IGSF11: variants seen among roughly 807,000 people sequenced by gnomAD.
IGSF11 encodes immunoglobulin superfamily member 11.
A neutral mutation model predicts 41.0 loss-of-function variants in IGSF11; 22 were observed. The ratio of observed to expected loss-of-function variants is 0.54; its 90% CI spans 0.38 to 0.77. IGSF11 has a LOEUF of 0.77. Among genes scored for constraint, IGSF11 ranks in the 30% least tolerant of loss-of-function variants. The probability of loss-of-function intolerance (pLI) is 0.00; values close to 1 mark genes in which losing one functional copy is unlikely to be tolerated. For missense variants in IGSF11, 444 were observed against 530.8 expected (o/e 0.84, Z 1.61); for synonymous variants, 219 against 201.3 (o/e 1.09, Z -0.74).
chr3:118,931,733 A>G (rs1576403969), intron 1 of IGSF11, among the ~76,000 whole-genome samples: 1 of 121,890 alleles, frequency 8.2e-6, no homozygotes, highest in African/African-American at 3.0e-5. Context: ...CTTAAAAGTC[A>G]CTGATTTTTT....
At position 118,935,403 on chromosome 3, in the gene IGSF11, CACACAT is replaced by C. The variant is rs1222695388; in HGVS notation, c.53-5134_53-5129del. 7.2e-5 allele frequency among the ~76,000 whole-genome samples: 10 copies of C among 139,046 alleles called. No homozygotes were observed. In the East Asian group the frequency reaches 8.7e-4, roughly 12 times the overall value. The allele number at this position is 139,046 out of a possible 152,430, so 91.2% of individuals were successfully genotyped here. On this transcript the variant is annotated intron_variant, in intron 1 of 6. Transcript: ENST00000393775. The stretch of plus-strand genomic sequence containing the variant: ...ACACACACACACACACACATACACA[CACACAT>C]ATACATACGTATATACATATACGTA...
chr3:118,973,569 G>C (rs1331696458), intron 1 of IGSF11, among the ~76,000 whole-genome samples: 1 of 152,088 alleles, frequency 6.6e-6, no homozygotes, highest in African/African-American at 2.4e-5. Flanking sequence ...TCTCCTAAAG[G>C]CCTATGCTTC....
At chr3:118,910,754 T>C (rs1054930204) in intron 4 of IGSF11, among the ~76,000 whole-genome samples, 10 of 152,142 alleles carry the variant, frequency 6.6e-5, no homozygotes, top group African/African-American at 2.4e-4. Flanking sequence ...ATCTTCTCAC[T>C]AAAAATGTCA....
chr3:118,953,922 T>C lies in IGSF11; in HGVS notation c.53-23647A>G, dbSNP rs565503214. On this transcript the variant is annotated intron_variant, in intron 1 of 6. Coordinates refer to ENST00000393775, the MANE Select transcript of IGSF11 (RefSeq NM_001015887.3). ...TTAGTTTAATTAAGTCCCATCTATT[T>C]ATCATTGTTTTTGTTGCAGTTGCTT... 2.6e-4 allele frequency among the ~76,000 whole-genome samples: 39 copies of C among 152,238 alleles called. No individual in the cohort carries two copies. The South Asian group carries it at 7.2e-3, about 28-fold the overall frequency.
At chr3:119,035,993 T>C (rs1415646239), upstream of IGSF11, among the ~76,000 whole-genome samples, 1 of 152,194 alleles carries the variant, frequency 6.6e-6, no homozygotes, top group Non-Finnish European at 1.5e-5. Flanking sequence ...TTTTTAAACA[T>C]ACATTTGGAC....
At chr3:118,955,890 T>C (rs999404043) in intron 1 of IGSF11, among the ~76,000 whole-genome samples, 2 of 152,204 alleles carry the variant, frequency 1.3e-5, no homozygotes, top group East Asian at 3.9e-4. Flanking sequence ...TCTCTAGCTA[T>C]GAAAGTCCTA....
chr3:119,127,368 T>G (rs573489076), intron 1 of IGSF11, among the ~76,000 whole-genome samples: 1 of 150,962 alleles, frequency 6.6e-6, no homozygotes, highest in South Asian at 2.1e-4. Context: ...CCAAGAAATA[T>G]GGTACTTCAT....
At chr3:118,976,906 A>G (rs1273460471) in intron 1 of IGSF11, among the ~76,000 whole-genome samples, 1 of 152,248 alleles carries the variant, frequency 6.6e-6, no homozygotes, top group African/African-American at 2.4e-5. Context: ...AAAAATAGTC[A>G]TAAATTCTCT....
At chr3:119,122,948 C>T (rs1340725809) in intron 1 of IGSF11, among the ~76,000 whole-genome samples, 1 of 152,158 alleles carries the variant, frequency 6.6e-6, no homozygotes, top group Non-Finnish European at 1.5e-5. Flanking sequence ...GAGGCTCCAT[C>T]TCCTTGAGAA....
In IGSF11 at chr3:118,902,468, T is replaced by C; in HGVS notation, c.*52A>G. The C allele has an allele frequency of 4.4e-6, 2 of 459,262 alleles. No homozygotes were observed. The highest frequency in any genetic ancestry group is 8.8e-6 in the Non-Finnish European group (2 of 226,312). 28.4% of individuals were successfully genotyped at this position (459,262 alleles called of 1,614,324 possible). A position where few individuals can be genotyped will look rare whatever the true frequency, so the allele number is the denominator to read the frequency against. On this transcript the variant is annotated 3_prime_UTR_variant, in exon 7 of 7. Transcript: ENST00000393775. Reference sequence around the variant, plus strand: ...GCACTCCCCACCCCACCCTCCCCCTTGTATGAGGGCATTCCATTTATTCAT... The same window carrying C: ...GCACTCCCCACCCCACCCTCCCCCTCGTATGAGGGCATTCCATTTATTCAT...
intron 1 of IGSF11, among the ~76,000 whole-genome samples, chr3:119,085,169 A>G (rs750251076): frequency 2.0e-4 from 31 of 152,152 alleles, no homozygotes; most frequent in Non-Finnish European, 3.7e-4. Flanking sequence ...TCCCCCTCAT[A>G]CCATAGAACA....
chr3:119,051,875 G>C (rs1941641382), intron 1 of IGSF11, among the ~76,000 whole-genome samples: 1 of 152,116 alleles, frequency 6.6e-6, no homozygotes, highest in South Asian at 2.1e-4. Flanking sequence ...GGTTCCAAAT[G>C]ATCTTTGGAT....
At chr3:118,954,218 T>C (rs543643788) in intron 1 of IGSF11, among the ~76,000 whole-genome samples, 10 of 152,276 alleles carry the variant, frequency 6.6e-5, no homozygotes, top group African/African-American at 2.4e-4. Context: ...TGGTTGTAAG[T>C]ATTTGGCTTT....
At chr3:119,069,386 T>C (rs1942333618) in intron 1 of IGSF11, among the ~76,000 whole-genome samples, 1 of 152,112 alleles carries the variant, frequency 6.6e-6, no homozygotes, top group Non-Finnish European at 1.5e-5. Context: ...AAACAATGAG[T>C]AGAAAAATCC....
chr3:118,915,757 G>A (rs201153637), intron 4 of IGSF11, among the ~76,000 whole-genome samples: 14,867 of 28,616 alleles, frequency 0.52, 3,913 homozygotes, highest in Non-Finnish European at 0.53. Flanking sequence ...TACAGAGAAC[G>A]CCACAAAGAT....
intron 1 of IGSF11, among the ~76,000 whole-genome samples, chr3:119,008,408 C>A (rs1439238022): frequency 6.6e-6 from 1 of 152,160 alleles, no homozygotes; most frequent in Non-Finnish European, 1.5e-5. Flanking sequence ...TTTCTCTACT[C>A]CTCTATCTGC....
At chr3:119,122,943 T>G (rs1401319327) in intron 1 of IGSF11, among the ~76,000 whole-genome samples, 2 of 152,148 alleles carry the variant, frequency 1.3e-5, no homozygotes, top group Non-Finnish European at 2.9e-5. Context: ...GGTGAGAGGC[T>G]CCATCTCCTT....
chr3:118,975,460 T>C (rs1212876986), intron 1 of IGSF11, among the ~76,000 whole-genome samples: 1 of 152,030 alleles, frequency 6.6e-6, no homozygotes, highest in Non-Finnish European at 1.5e-5. Context: ...CTCAAAGATA[T>C]GCTCTATCAA....
At chr3:119,122,944 C>G (rs2077353212) in intron 1 of IGSF11, among the ~76,000 whole-genome samples, 1 of 152,140 alleles carries the variant, frequency 6.6e-6, no homozygotes, top group Non-Finnish European at 1.5e-5. Flanking sequence ...GTGAGAGGCT[C>G]CATCTCCTTG....
Sources: gnomAD v4.1 joint callset for allele counts (sites outside exome capture counted in the v4.1 genomes callset) on GRCh38, gnomAD v4.1.1 for gene constraint, MANE v1.5 for transcripts, NCBI Gene and HGNC (gene_info 2026-07-23, HGNC 2026-07-21) for gene names.